Variants in RFX3 observed in about 807,000 individuals in gnomAD.
RFX3 encodes the protein regulatory factor X3, also known as transcription factor RFX3.
RFX3 carries 14 observed loss-of-function variants against 98.6 expected under a neutral mutation model. The observed-to-expected ratio is 0.14, with a 90% CI of 0.09 to 0.22. The LOEUF is 0.22. Among genes scored for constraint, RFX3 ranks in the 10% least tolerant of loss-of-function variants. RFX3 has a pLI of 1.00. For synonymous variants in RFX3, 383 were observed against 328.4 expected (o/e 1.17, Z -1.80); for missense variants, 639 against 926.9 (o/e 0.69, Z 4.03).
At chr9:3,392,726 GA>G (rs149170854) in intron 2 of RFX3, among the ~76,000 whole-genome samples, 4,684 of 150,710 alleles carry the variant, frequency 0.031, 233 homozygotes, top group African/African-American at 0.11. Context: ...AAGTTTCAGA[GA>G]AAAAAAAATC....
chr9:3,318,650 T>C (rs920022127), intron 4 of RFX3, among the ~76,000 whole-genome samples: 3 of 152,128 alleles, frequency 2.0e-5, no homozygotes, highest in Non-Finnish European at 4.4e-5. Context: ...TAAGGTTTTA[T>C]AAATGTTCAA....
intron 3 of RFX3, among the ~76,000 whole-genome samples, chr9:3,333,357 C>T (rs912036319): frequency 2.6e-5 from 4 of 151,734 alleles, no homozygotes; most frequent in African/African-American, 9.7e-5. Flanking sequence ...GGTAAAGAGC[C>T]CTTTCCAGAA....
chr9:3,484,748 T>A (rs1425316164), intron 1 of RFX3, among the ~76,000 whole-genome samples: 1 of 152,142 alleles, frequency 6.6e-6, no homozygotes, highest in Non-Finnish European at 1.5e-5. Context: ...GCAATTAAGT[T>A]TTTGTTGCCT....
intron 4 of RFX3, among the ~76,000 whole-genome samples, chr9:3,316,615 A>G (rs1830626646): frequency 6.6e-6 from 1 of 152,242 alleles, no homozygotes; most frequent in African/African-American, 2.4e-5. Context: ...ATGATTGTAT[A>G]TTTAGAAAAC....
intron 7 of RFX3, among the ~76,000 whole-genome samples, chr9:3,282,274 T>A (rs575834058): frequency 9.2e-5 from 14 of 151,950 alleles, no homozygotes; most frequent in Middle Eastern, 3.4e-3. Context: ...AATTTTGATG[T>A]TACACTGAAT....
At chr9:3,504,127 C>T (rs1270601192) in intron 1 of RFX3, among the ~76,000 whole-genome samples, 6 of 126,102 alleles carry the variant, frequency 4.8e-5, no homozygotes, top group Non-Finnish European at 7.7e-5. Context: ...CTCCCTCTCT[C>T]TTTATATATA....
intron 15 of RFX3, among the ~76,000 whole-genome samples, chr9:3,241,160 T>C (rs2130858139): frequency 6.6e-6 from 1 of 152,184 alleles, no homozygotes; most frequent in South Asian, 2.1e-4. Context: ...ATAGTATTTC[T>C]CTGAAATAGT....
In RFX3 at chr9:3,432,521, C is replaced by T. The variant is rs1344728819; in HGVS notation, c.-8-36925G>A. Among the ~76,000 whole-genome samples the T allele has an allele frequency of 2.0e-5, 3 of 152,022 alleles. No individual in the cohort carries two copies. In the East Asian group the frequency reaches 5.8e-4, roughly 29 times the overall value. On this transcript the variant is annotated intron_variant, in intron 1 of 16. Transcript: ENST00000617270. ...GACATAACTCTGCCCAGACTTTGTA[C>T]ATGACTTCACAAGATTTAGAACAGT...
At chr9:3,274,407 C>T (rs947636799) in intron 9 of RFX3, among the ~76,000 whole-genome samples, 1 of 152,160 alleles carries the variant, frequency 6.6e-6, no homozygotes, top group African/African-American at 2.4e-5. Context: ...TAAATAGACT[C>T]TTCTTTCAAA....
chr9:3,229,695 T>C (rs1374982909), intron 15 of RFX3, among the ~76,000 whole-genome samples: 1 of 152,182 alleles, frequency 6.6e-6, no homozygotes, highest in Non-Finnish European at 1.5e-5. Context: ...AAGCATCTAC[T>C]TTTAAAACAG....
chr9:3,387,916 G>C (rs1839897418), intron 2 of RFX3, among the ~76,000 whole-genome samples: 1 of 152,064 alleles, frequency 6.6e-6, no homozygotes, highest in African/African-American at 2.4e-5. Flanking sequence ...ATAAAGACAA[G>C]AATGATGGAG....
chr9:3,280,113 G>T (rs1337172882), intron 7 of RFX3, among the ~76,000 whole-genome samples: 1 of 151,834 alleles, frequency 6.6e-6, no homozygotes, highest in African/African-American at 2.4e-5. Flanking sequence ...TGGATTGAAA[G>T]ATGGACAGAG....
At chr9:3,297,118 G>T (rs1322935877) in intron 5 of RFX3, among the ~76,000 whole-genome samples, 1 of 152,048 alleles carries the variant, frequency 6.6e-6, no homozygotes, top group African/African-American at 2.4e-5. Flanking sequence ...GGAAGTTAAT[G>T]CCTGTTAAAT....
rs567112346 is a variant in RFX3 at position 3,381,924 on chromosome 9, TTTTGTTTG to T, written c.117+13540_117+13547del. Among the ~76,000 whole-genome samples, 18 of 152,294 alleles carry T rather than the reference TTTTGTTTG, an allele frequency of 1.2e-4. 2 individuals carry two copies. Among genetic ancestry groups the T allele is most frequent in the Non-Finnish European group, 7.4e-5 (5 of 68,012 alleles). On this transcript the variant is annotated intron_variant, in intron 2 of 16. Coordinates refer to ENST00000617270, the MANE Select transcript of RFX3 (RefSeq NM_001282116.2). ...CTACTTTCAGTTTTGAGCCTTACTTTTTTGTTTGTTTGTTTGTTTGCTTGTTGTTTCAA... is the reference window on the plus strand; with the variant it reads ...CTACTTTCAGTTTTGAGCCTTACTTTTTTGTTTGTTTGCTTGTTGTTTCAA...
intron 2 of RFX3, among the ~76,000 whole-genome samples, chr9:3,357,784 T>C (rs1293103357): frequency 6.6e-6 from 1 of 152,066 alleles, no homozygotes; most frequent in Non-Finnish European, 1.5e-5. Context: ...TTTGAGGTGA[T>C]GGATATCCCA....
At chr9:3,235,720 G>A (rs111380406) in intron 15 of RFX3, among the ~76,000 whole-genome samples, 5,012 of 152,044 alleles carry the variant, frequency 0.033, 143 homozygotes, top group African/African-American at 0.079. Flanking sequence ...CACACATTGC[G>A]TCACTCTGAC....
rs1817472260 is a variant in RFX3 at position 3,223,551 on chromosome 9, T to C, written c.*1491A>G. 2.6e-5 allele frequency: 4 copies of C among 152,228 alleles called. No homozygotes were observed. The South Asian group carries it at 8.3e-4, about 32-fold the overall frequency. 9.4% of individuals were successfully genotyped at this position (152,228 alleles called of 1,614,324 possible). On this transcript the variant is annotated 3_prime_UTR_variant, in exon 17 of 17. Transcript: ENST00000617270. ...GTTGGTATTAAAACTAGCCTGCTAT[T>C]CCACACCCTTAAGCAATCTGATTTG...
At position 3,262,985 on chromosome 9, in the gene RFX3, T is replaced by G. The variant is rs1196950939; in HGVS notation, c.1555A>C (p.Ile519Leu). 2 of 1,613,702 alleles carry G rather than the reference T, an allele frequency of 1.2e-6. No homozygotes were observed. Among genetic ancestry groups the G allele is most frequent in the Non-Finnish European group, 1.7e-6 (2 of 1,179,792 alleles). Reference sequence around the variant, plus strand: ...TTGAGGTCACTAAGCATCTGGTTGATTTGGGAAGTGTTCTGAAGCACTGCA... The same window carrying G: ...TTGAGGTCACTAAGCATCTGGTTGAGTTGGGAAGTGTTCTGAAGCACTGCA... ...ARAVLQNTSQ[I>L]NQMLSDLNRV... The change falls in exon 13 of 17, where the codon ATC (isoleucine) becomes CTC (leucine). Residue 519 changes from isoleucine to leucine, a missense_variant. By Grantham distance (5) the Ile-to-Leu change is conservative. Around this residue, in one of 9 missense-constraint regions of RFX3, gnomAD observed 138 missense variants for 308.9 expected, o/e 0.45. Transcript: ENST00000617270.
intron 3 of RFX3, among the ~76,000 whole-genome samples, chr9:3,332,378 G>C (rs1832696073): frequency 6.6e-6 from 1 of 152,112 alleles, no homozygotes; most frequent in Non-Finnish European, 1.5e-5. Context: ...TTTTGTGCAT[G>C]ACACCAAGTT....
Sources: allele counts gnomAD v4.1 joint callset (sites outside exome capture counted in the v4.1 genomes callset), GRCh38; gene constraint gnomAD v4.1.1; regional missense constraint gnomAD v4.1.1; transcripts MANE v1.5; gene names NCBI Gene and HGNC (gene_info 2026-07-23, HGNC 2026-07-21).